COL23A1: variants seen among roughly 807,000 people sequenced by gnomAD.
COL23A1 encodes the protein collagen type XXIII alpha 1 chain.
Under a neutral mutation model 99.3 loss-of-function variants are expected in COL23A1, and 97 were observed. The ratio of observed to expected loss-of-function variants is 0.98; its 90% CI spans 0.83 to 1.16. COL23A1 has a LOEUF of 1.16. Ranked by LOEUF, COL23A1 falls within the 50% of genes most tolerant of loss-of-function variation. The probability of loss-of-function intolerance (pLI) is 0.00; values close to 1 mark genes in which losing one functional copy is unlikely to be tolerated. For synonymous variants in COL23A1, 320 were observed against 308.2 expected (o/e 1.04, Z -0.40); for missense variants, 762 against 757.4 (o/e 1.01, Z -0.07).
chr5:178,495,720 A>G (rs1041802950), intron 2 of COL23A1, among the ~76,000 whole-genome samples: 3 of 152,116 alleles, frequency 2.0e-5, no homozygotes, highest in Admixed American at 1.3e-4. Context: ...AAGCTGCAAT[A>G]TGAAAATAGT....
chr5:178,344,389 C>T (rs1382854834), intron 2 of COL23A1, among the ~76,000 whole-genome samples: 1 of 152,096 alleles, frequency 6.6e-6, no homozygotes, highest in Non-Finnish European at 1.5e-5. Flanking sequence ...GTAATCCCAG[C>T]ACCTTGGGAG....
At chr5:178,283,296 C>T (rs1215867473) in intron 5 of COL23A1, among the ~76,000 whole-genome samples, 1 of 152,118 alleles carries the variant, frequency 6.6e-6, no homozygotes, top group Non-Finnish European at 1.5e-5. Flanking sequence ...CACTTCCTAT[C>T]GTTTCCTGTC....
In COL23A1 at chr5:178,477,580, A is replaced by G. The variant is rs1433824861; in HGVS notation, c.361+83102T>C. Reference sequence around the variant, plus strand: ...TTTTAGACAGTTTGTACCCAAAGGGAGAAGTGGTTAATCACTGTGCATGTT... The same window carrying G: ...TTTTAGACAGTTTGTACCCAAAGGGGGAAGTGGTTAATCACTGTGCATGTT... On this transcript the variant is annotated intron_variant, in intron 2 of 28. Coordinates refer to ENST00000390654, the MANE Select transcript of COL23A1 (RefSeq NM_173465.4). 2.0e-5 allele frequency among the ~76,000 whole-genome samples: 3 copies of G among 152,170 alleles called. No individual in the cohort carries two copies. The East Asian group carries it at 5.8e-4, about 29-fold the overall frequency.
At chr5:178,319,012 T>G (rs911531858) in intron 2 of COL23A1, among the ~76,000 whole-genome samples, 8 of 151,896 alleles carry the variant, frequency 5.3e-5, no homozygotes, top group Admixed American at 5.2e-4. Flanking sequence ...AGAAGCATGT[T>G]GCCAACGCTG....
At chr5:178,330,656 GA>G (rs70994998) in intron 2 of COL23A1, among the ~76,000 whole-genome samples, 66,995 of 140,136 alleles carry the variant, frequency 0.48, 15,987 homozygotes, top group East Asian at 0.9. Flanking sequence ...CCTCTCTCAA[GA>G]AAAAAAAAAA....
At chr5:178,426,535 G>A (rs1376333472) in intron 2 of COL23A1, among the ~76,000 whole-genome samples, 1 of 152,244 alleles carries the variant, frequency 6.6e-6, no homozygotes, top group African/African-American at 2.4e-5. Context: ...TCCGGGCGCA[G>A]ATCCTGCTCT....
chr5:178,300,928 T>C (rs998353251), intron 3 of COL23A1, among the ~76,000 whole-genome samples: 1 of 152,180 alleles, frequency 6.6e-6, no homozygotes, highest in African/African-American at 2.4e-5. Flanking sequence ...TCTCTTTGAG[T>C]TTATCATCCT....
At chr5:178,354,926 T>C (rs925368058) in intron 2 of COL23A1, among the ~76,000 whole-genome samples, 2 of 151,784 alleles carry the variant, frequency 1.3e-5, no homozygotes, top group Non-Finnish European at 1.5e-5. Context: ...GGCATGGTGG[T>C]GTGAGCCTGT....
chr5:178,321,980 A>G (rs1367688781), intron 2 of COL23A1, among the ~76,000 whole-genome samples: 1 of 142,126 alleles, frequency 7.0e-6, no homozygotes, highest in Non-Finnish European at 1.5e-5. Context: ...ACGCCTGACT[A>G]TTTTTTAATT....
At chr5:178,571,026 C>T (rs1345610519) in intron 1 of COL23A1, among the ~76,000 whole-genome samples, 3 of 152,076 alleles carry the variant, frequency 2.0e-5, no homozygotes, top group African/African-American at 4.8e-5. Context: ...ATGCCCGATC[C>T]CACCAGCCAG....
chr5:178,320,763 C>G (rs1019663979), intron 2 of COL23A1, among the ~76,000 whole-genome samples: 1 of 152,228 alleles, frequency 6.6e-6, no homozygotes, highest in Non-Finnish European at 1.5e-5. Context: ...GCTGTTGGGC[C>G]GGGTCTGATG....
intron 2 of COL23A1, among the ~76,000 whole-genome samples, chr5:178,470,667 G>A (rs551306516): frequency 1.3e-5 from 2 of 152,336 alleles, no homozygotes; most frequent in South Asian, 2.1e-4. Context: ...CCGCTCATAC[G>A]ACACAAGCAT....
At chr5:178,580,994 C>T (rs1048526896) in intron 1 of COL23A1, among the ~76,000 whole-genome samples, 11 of 152,110 alleles carry the variant, frequency 7.2e-5, no homozygotes, top group African/African-American at 2.4e-4. Context: ...GGTGACAGAG[C>T]GAGACTCTAT....
intron 2 of COL23A1, among the ~76,000 whole-genome samples, chr5:178,429,371 C>T (rs768424604): frequency 2.0e-5 from 3 of 152,206 alleles, no homozygotes; most frequent in Non-Finnish European, 4.4e-5. Flanking sequence ...GCTTCCCCGG[C>T]CTGAGCCTCA....
rs73349038 is a variant in COL23A1 at position 178,375,112 on chromosome 5, C to A, written c.362-68193G>T. On this transcript the variant is annotated intron_variant, in intron 2 of 28. Transcript: ENST00000390654. The stretch of plus-strand genomic sequence containing the variant: ...GCCATCGAAAGCTGCAACATGCTAC[C>A]TGCCACAACATGGACGAACCTTGAA... 4.3e-3 allele frequency among the ~76,000 whole-genome samples: 653 copies of A among 152,308 alleles called. 4 individuals carry two copies. Among genetic ancestry groups the A allele is most frequent in the African/African-American group, 0.015 (623 of 41,562 alleles).
At chr5:178,270,951 G>A (rs1756253612) in intron 5 of COL23A1, among the ~76,000 whole-genome samples, 1 of 152,254 alleles carries the variant, frequency 6.6e-6, no homozygotes, top group South Asian at 2.1e-4. Context: ...TTGAGCTCCT[G>A]TCATTTGTAA....
At chr5:178,441,735 C>A (rs966238590) in intron 2 of COL23A1, among the ~76,000 whole-genome samples, 9 of 152,102 alleles carry the variant, frequency 5.9e-5, no homozygotes, top group Non-Finnish European at 1.2e-4. Flanking sequence ...GGTGATGACG[C>A]GGGGTGGGCA....
At chr5:178,511,651 T>C (rs1581534655) in intron 2 of COL23A1, among the ~76,000 whole-genome samples, 2 of 152,186 alleles carry the variant, frequency 1.3e-5, no homozygotes, top group East Asian at 3.9e-4. Flanking sequence ...ACTTTACTGG[T>C]GACCATGGGT....
chr5:178,508,914 G>T (rs1759034946), intron 2 of COL23A1, among the ~76,000 whole-genome samples: 1 of 152,126 alleles, frequency 6.6e-6, no homozygotes, highest in South Asian at 2.1e-4. Context: ...ATAATGTCCA[G>T]GGCTTTCAGT....
Sources: allele counts gnomAD v4.1 joint callset (sites outside exome capture counted in the v4.1 genomes callset), GRCh38; gene constraint gnomAD v4.1.1; transcripts MANE v1.5; gene names NCBI Gene and HGNC (gene_info 2026-07-23, HGNC 2026-07-21).